The following KIAA1328 variants were observed in gnomAD, a reference collection of about 807,000 sequenced individuals.
KIAA1328 encodes protein hinderin.
Under a neutral mutation model 68.1 loss-of-function variants are expected in KIAA1328, and 52 were observed. That is an observed-to-expected ratio of 0.76 (90% confidence interval 0.61 to 0.96). The LOEUF (loss-of-function observed/expected upper bound fraction) is 0.96. KIAA1328 is among the 40% of genes least tolerant of loss of function. The pLI is 0.00. For synonymous variants in KIAA1328, 232 were observed against 239.4 expected (o/e 0.97, Z 0.28); for missense variants, 641 against 677.6 (o/e 0.95, Z 0.60).
intron 5 of KIAA1328, among the ~76,000 whole-genome samples, chr18:36,889,296 A>G (rs2048601652): frequency 6.6e-6 from 1 of 152,246 alleles, no homozygotes; most frequent in South Asian, 2.1e-4. Context: ...CTGAAACTTA[A>G]AGAGAAATAT....
chr18:37,206,653 A>G (rs915939824), intron 9 of KIAA1328, among the ~76,000 whole-genome samples: 2 of 152,160 alleles, frequency 1.3e-5, no homozygotes, highest in African/African-American at 4.8e-5. Context: ...TTGCAAATTC[A>G]TGATCTCTGG....
At chr18:37,105,241 G>C in intron 7 of KIAA1328, among the ~76,000 whole-genome samples, 1 of 152,068 alleles carries the variant, frequency 6.6e-6, no homozygotes, top group East Asian at 1.9e-4. Context: ...GGTTGCTGAC[G>C]CCTGTTATCC....
At chr18:37,134,421 A>G (rs2058596194) in intron 7 of KIAA1328, among the ~76,000 whole-genome samples, 1 of 152,210 alleles carries the variant, frequency 6.6e-6, no homozygotes, top group Non-Finnish European at 1.5e-5. Flanking sequence ...TTAATTTAAA[A>G]GTAATAAACC....
intron 7 of KIAA1328, among the ~76,000 whole-genome samples, chr18:37,114,610 A>G (rs2058046276): frequency 6.6e-6 from 1 of 152,230 alleles, no homozygotes; most frequent in Non-Finnish European, 1.5e-5. Flanking sequence ...CTAGAGAAGC[A>G]AGAGCAAACA....
intron 7 of KIAA1328, among the ~76,000 whole-genome samples, chr18:37,076,952 G>C (rs1289446059): frequency 2.6e-5 from 4 of 152,042 alleles, no homozygotes; most frequent in Non-Finnish European, 5.9e-5. Context: ...CCAATCAATA[G>C]AAAAAGAAGG....
At chr18:37,191,644 T>C (rs1304869764) in intron 9 of KIAA1328, among the ~76,000 whole-genome samples, 1 of 152,144 alleles carries the variant, frequency 6.6e-6, no homozygotes, top group Non-Finnish European at 1.5e-5. Context: ...TTGACCCATA[T>C]ATGGTTGATC....
chr18:37,205,088 G>T (rs1016883750), intron 9 of KIAA1328, among the ~76,000 whole-genome samples: 1 of 152,186 alleles, frequency 6.6e-6, no homozygotes, highest in Admixed American at 6.6e-5. Context: ...AAGAGGTGCA[G>T]TGCAGTCCTC....
intron 5 of KIAA1328, among the ~76,000 whole-genome samples, chr18:36,910,355 C>T (rs2049390878): frequency 6.6e-6 from 1 of 152,042 alleles, no homozygotes. Flanking sequence ...GCCAGTTTTC[C>T]CAGCATCATT....
intron 5 of KIAA1328, among the ~76,000 whole-genome samples, chr18:36,935,332 C>T (rs2050459586): frequency 1.3e-5 from 2 of 152,178 alleles, no homozygotes; most frequent in Non-Finnish European, 2.9e-5. Flanking sequence ...TCTCCTTTTA[C>T]CCTGATGTGA....
At chr18:37,026,168 A>G (rs1277916902) in intron 6 of KIAA1328, among the ~76,000 whole-genome samples, 1 of 152,178 alleles carries the variant, frequency 6.6e-6, no homozygotes, top group Non-Finnish European at 1.5e-5. Context: ...CCAAGACTAA[A>G]CCAGGAAGAA....
In KIAA1328 at chr18:36,844,253, T is replaced by C. The variant is rs771876001; in HGVS notation, c.283T>C (p.Cys95Arg). The part of the protein sequence containing the change: ...EIKSASLKDL[C>R]LEDKRRIANL... Reference sequence around the variant, plus strand: ...AAAGAGTGCATCATTGAAGGATTTATGTCTTGAAGACAAAAGACGCATTGC... The same window carrying C: ...AAAGAGTGCATCATTGAAGGATTTACGTCTTGAAGACAAAAGACGCATTGC... Residue 95 changes from cysteine (C) to arginine (R), a missense_variant, in exon 4 of 10, where the codon TGT becomes CGT. Coordinates refer to ENST00000280020, the MANE Select transcript of KIAA1328 (RefSeq NM_020776.3). 5 of 1,607,590 alleles carry C rather than the reference T, an allele frequency of 3.1e-6. No individual in the cohort carries two copies. The highest frequency in any genetic ancestry group is 3.4e-5 in the Admixed American group (2 of 59,244).
intron 4 of KIAA1328, among the ~76,000 whole-genome samples, chr18:36,850,823 T>TA (rs912382071): frequency 1.3e-5 from 2 of 152,182 alleles, no homozygotes; most frequent in African/African-American, 4.8e-5. Context: ...TTCCTTGCCT[T>TA]AGTGCTCTGC....
chr18:37,220,114 T>C (rs1038666747), intron 9 of KIAA1328, among the ~76,000 whole-genome samples: 8 of 152,266 alleles, frequency 5.3e-5, no homozygotes, highest in African/African-American at 1.2e-4. Context: ...TTTTAGTTTA[T>C]ATAGAGGTGA....
intron 5 of KIAA1328, among the ~76,000 whole-genome samples, chr18:36,912,402 C>G (rs987801399): frequency 1.3e-5 from 2 of 152,168 alleles, no homozygotes; most frequent in Admixed American, 6.5e-5. Context: ...ATCACATCTC[C>G]TTTTCTGACT....
chr18:37,069,871 A>C (rs1255843131), intron 7 of KIAA1328, among the ~76,000 whole-genome samples: 3 of 151,634 alleles, frequency 2.0e-5, no homozygotes, highest in Non-Finnish European at 2.9e-5. Flanking sequence ...CTTGCTTTAA[A>C]TTTACTTTGC....
intron 6 of KIAA1328, among the ~76,000 whole-genome samples, chr18:36,990,014 G>GT: frequency 2.6e-5 from 4 of 152,152 alleles, no homozygotes; most frequent in Admixed American, 2.6e-4. Flanking sequence ...TTTTAAGACA[G>GT]TTTTTTCCTC....
chr18:37,104,034 T>C (rs906201151), intron 7 of KIAA1328, among the ~76,000 whole-genome samples: 1 of 152,064 alleles, frequency 6.6e-6, no homozygotes, highest in Non-Finnish European at 1.5e-5. Context: ...TTGGCAAGAA[T>C]GTAGAGAAAA....
At position 37,077,379 on chromosome 18, in the gene KIAA1328, C is replaced by T. The variant is rs1003332926; in HGVS notation, c.1232+9834C>T. 2.7e-5 allele frequency among the ~76,000 whole-genome samples: 4 copies of T among 147,528 alleles called. 1 individual carries two copies. Among genetic ancestry groups the T allele is most frequent in the African/African-American group, 1.1e-4 (4 of 37,916 alleles). ...TGACAAACCCACAGCCAATACCATA[C>T]TGAATGGGCAAAAACTGGAAGCATT... is the stretch of plus-strand genomic sequence containing the variant. On this transcript the variant is annotated intron_variant, in intron 7 of 9. Coordinates refer to ENST00000280020, the MANE Select transcript of KIAA1328 (RefSeq NM_020776.3).
chr18:36,831,606 A>G (rs570241284), intron 1 of KIAA1328, among the ~76,000 whole-genome samples: 19 of 152,368 alleles, frequency 1.2e-4, no homozygotes, highest in African/African-American at 4.6e-4. Flanking sequence ...ATTAAAAAAT[A>G]TGAACTGCAA....
Sources: allele counts gnomAD v4.1 joint callset (sites outside exome capture counted in the v4.1 genomes callset), GRCh38; gene constraint gnomAD v4.1.1; transcripts MANE v1.5; gene names NCBI Gene and HGNC (gene_info 2026-07-23, HGNC 2026-07-21).